Variants in FNIP1 observed in about 807,000 individuals in gnomAD.
FNIP1 encodes the protein folliculin-interacting protein 1.
A neutral mutation model predicts 124.5 loss-of-function variants in FNIP1; 40 were observed. That is an observed-to-expected ratio of 0.32 (90% CI 0.25 to 0.42). The LOEUF (loss-of-function observed/expected upper bound fraction) is 0.42, where lower values mean the gene tolerates loss of function less well. Ranked by LOEUF, FNIP1 falls within the 10% of genes least tolerant of loss-of-function variation. FNIP1 has a pLI of 1.00. For missense variants in FNIP1, 1,176 were observed against 1,403.7 expected (o/e 0.84, Z 2.59); for synonymous variants, 472 against 470.6 (o/e 1.00, Z -0.04).
intron 1 of FNIP1, among the ~76,000 whole-genome samples, chr5:131,758,385 T>C (rs1403677293): frequency 6.6e-6 from 1 of 152,206 alleles, no homozygotes; most frequent in Non-Finnish European, 1.5e-5. Flanking sequence ...ATCTCTCATT[T>C]TACCAGAACC....
At chr5:131,648,711 C>G (rs746930026) in intron 16 of FNIP1, among the ~76,000 whole-genome samples, 1 of 152,108 alleles carries the variant, frequency 6.6e-6, no homozygotes, top group Non-Finnish European at 1.5e-5. Flanking sequence ...TGTTGTGCAA[C>G]CATCACCACC....
chr5:131,792,761 G>A (rs890656896), intron 1 of FNIP1, among the ~76,000 whole-genome samples: 1 of 152,130 alleles, frequency 6.6e-6, no homozygotes, highest in African/African-American at 2.4e-5. Context: ...GCTATTATGT[G>A]TACAAGGTAT....
chr5:131,744,115 C>T (rs13164236), intron 2 of FNIP1, among the ~76,000 whole-genome samples: 119,099 of 151,630 alleles, frequency 0.79, 46,990 homozygotes, highest in African/African-American at 0.83. Context: ...ACAAAATGAA[C>T]AGCATTAATC....
rs180793340 is a variant in FNIP1 at position 131,764,195 on chromosome 5, A to C, written c.93-19505T>G. Among the ~76,000 whole-genome samples the C allele has an allele frequency of 2.1e-3, 312 of 152,124 alleles. 1 individual carries two copies. Among genetic ancestry groups the C allele is most frequent in the African/African-American group, 7.2e-3 (299 of 41,488 alleles). On this transcript the variant is annotated intron_variant, in intron 1 of 17. Transcript: ENST00000510461. ...CTCCACAAGCCAAGCAGATGCCAGC[A>C]TTATGCTTCTTGCACAGCCTACAGA...
rs1580804448 is a variant in FNIP1 at position 131,744,437 on chromosome 5, T to A, written c.219+127A>T. On this transcript the variant is annotated intron_variant, in intron 2 of 17. Coordinates refer to ENST00000510461, the MANE Select transcript of FNIP1 (RefSeq NM_133372.3). ...CAAAATGTTAGATTCACCAAACATT[T>A]CCTTCTCCCTCAGCCCCAATATCCA... is the stretch of plus-strand genomic sequence containing the variant. 3 of 898,370 alleles carry A rather than the reference T, an allele frequency of 3.3e-6. No homozygotes were observed. In the East Asian group the frequency reaches 8.6e-5, roughly 26 times the overall value. The allele number at this position is 898,370 out of a possible 1,614,324, so 55.6% of individuals were successfully genotyped here. A position where few individuals can be genotyped will look rare whatever the true frequency, so the allele number is the denominator to read the frequency against.
At chr5:131,685,534 C>T (rs1237457228) in intron 11 of FNIP1, among the ~76,000 whole-genome samples, 8 of 150,866 alleles carry the variant, frequency 5.3e-5, no homozygotes, top group South Asian at 2.1e-4. Context: ...CTGCAACCTC[C>T]GCCTCCGAGG....
At chr5:131,670,707 A>T in intron 14 of FNIP1, 76 bp from the exon 15 acceptor site, 2 of 1,099,660 alleles carry the variant, frequency 1.8e-6, no homozygotes, top group African/African-American at 1.6e-5. Flanking sequence ...AAAAAAGTGA[A>T]TTCTACTTGT....
chr5:131,744,501 A>T, intron 2 of FNIP1, 63 bp downstream of exon 2: 1 of 1,502,872 alleles, frequency 6.7e-7, no homozygotes, highest in Non-Finnish European at 9.0e-7. Context: ...ATCCAGTTTG[A>T]TAATACTGGA....
intron 3 of FNIP1, among the ~76,000 whole-genome samples, chr5:131,726,336 T>C (rs1341294987): frequency 6.6e-6 from 1 of 152,202 alleles, no homozygotes; most frequent in Admixed American, 6.5e-5. Flanking sequence ...GACTTTTTTT[T>C]GGTTGGCAGG....
chr5:131,706,290 TAA>T lies in FNIP1; in HGVS notation c.914+119_914+120del, dbSNP rs954695264. The T allele has an allele frequency of 2.3e-5, 26 of 1,123,594 alleles. No individual in the cohort carries two copies. In the African/African-American group the frequency reaches 3.9e-4, roughly 17 times the overall value. 69.6% of individuals were successfully genotyped at this position (1,123,594 alleles called of 1,614,324 possible). The stretch of plus-strand genomic sequence containing the variant: ...ACAATTTTAAAAATGTAGTAAATTT[TAA>T]AAGTTTTCAGTTTCAAACTTAAAAT... On this transcript the variant is annotated intron_variant, in intron 9 of 17. Transcript: ENST00000510461.
chr5:131,661,874 G>A (rs1396908665), intron 15 of FNIP1, among the ~76,000 whole-genome samples: 1 of 152,140 alleles, frequency 6.6e-6, no homozygotes, highest in African/African-American at 2.4e-5. Context: ...TAAGAAAAAG[G>A]ATCTGTGAGA....
chr5:131,714,446 A>G (rs553475010), intron 6 of FNIP1, among the ~76,000 whole-genome samples: 1 of 152,220 alleles, frequency 6.6e-6, no homozygotes, highest in Non-Finnish European at 1.5e-5. Flanking sequence ...AAAGGACCCG[A>G]ACCAACACAC....
Position 131,714,572 on chromosome 5 carries a change from C to T in FNIP1, c.622+1993G>A, listed in dbSNP as rs78648917. On this transcript the variant is annotated intron_variant, in intron 6 of 17. Coordinates refer to ENST00000510461, the MANE Select transcript of FNIP1 (RefSeq NM_133372.3). ...CATTCTTTCTTTTTCATTAACTTTA[C>T]CCCTACTCTGTGCTCCACACATACT... Among the ~76,000 whole-genome samples, 396 of 152,224 alleles carry T rather than the reference C, an allele frequency of 2.6e-3. 3 individuals carry two copies. The highest frequency in any genetic ancestry group is 9.0e-3 in the African/African-American group (374 of 41,516).
intron 2 of FNIP1, among the ~76,000 whole-genome samples, chr5:131,737,376 A>G (rs1770348408): frequency 1.3e-5 from 2 of 152,150 alleles, no homozygotes; most frequent in Admixed American, 6.5e-5. Flanking sequence ...GTGTGTTTTT[A>G]TGCTTTAGTC....
intron 15 of FNIP1, among the ~76,000 whole-genome samples, chr5:131,657,859 T>C (rs1158534347): frequency 6.8e-6 from 1 of 147,636 alleles, no homozygotes; most frequent in Non-Finnish European, 1.5e-5. Context: ...GCTAACATGG[T>C]GAAACCCTGT....
At chr5:131,778,014 C>T (rs1271835055) in intron 1 of FNIP1, among the ~76,000 whole-genome samples, 1 of 152,164 alleles carries the variant, frequency 6.6e-6, no homozygotes, top group Non-Finnish European at 1.5e-5. Flanking sequence ...ACCCCATAAA[C>T]CTACTGATCC....
chr5:131,688,241 T>C (rs1157655547), intron 11 of FNIP1, among the ~76,000 whole-genome samples: 1 of 151,358 alleles, frequency 6.6e-6, no homozygotes, highest in Non-Finnish European at 1.5e-5. Context: ...ACAGAATCTA[T>C]TCAAAGAAGT....
At chr5:131,726,875 C>A (rs559671081) in intron 3 of FNIP1, among the ~76,000 whole-genome samples, 6 of 150,786 alleles carry the variant, frequency 4.0e-5, no homozygotes, top group African/African-American at 1.5e-4. Context: ...TTTGTTCAAA[C>A]TTATTTATTT....
intron 17 of FNIP1, 52 bp from the exon 18 acceptor site, chr5:131,644,815 T>G: frequency 6.4e-7 from 1 of 1,564,940 alleles, no homozygotes; most frequent in African/African-American, 1.4e-5. Context: ...ACTGAGGACA[T>G]GAACTCTACA....
Sources: allele counts gnomAD v4.1 joint callset (sites outside exome capture counted in the v4.1 genomes callset), GRCh38; gene constraint gnomAD v4.1.1; transcripts MANE v1.5; gene names NCBI Gene and HGNC (gene_info 2026-07-23, HGNC 2026-07-21).